Variants in MPPED1 observed in about 807,000 individuals in gnomAD.
The protein encoded by MPPED1 is metallophosphoesterase domain-containing protein 1.
A neutral mutation model predicts 36.2 loss-of-function variants in MPPED1; 16 were observed. The ratio of observed to expected loss-of-function variants is 0.44; its 90% CI spans 0.30 to 0.67. The LOEUF (loss-of-function observed/expected upper bound fraction) is 0.67, where lower values mean the gene tolerates loss of function less well. Ranked by LOEUF, MPPED1 falls within the 30% of genes least tolerant of loss-of-function variation. MPPED1 has a pLI of 0.10. For missense variants in MPPED1, 307 were observed against 453.4 expected (o/e 0.68, Z 2.93); for synonymous variants, 199 against 191.3 (o/e 1.04, Z -0.33).
intron 3 of MPPED1, among the ~76,000 whole-genome samples, chr22:43,448,954 T>C (rs1338334647): frequency 6.6e-6 from 1 of 152,094 alleles, no homozygotes; most frequent in Non-Finnish European, 1.5e-5. Context: ...ACTACTCTTG[T>C]GTATCTGGAA....
intron 4 of MPPED1, among the ~76,000 whole-genome samples, chr22:43,495,599 G>A (rs867986486): frequency 1.2e-5 from 1 of 85,448 alleles, no homozygotes; most frequent in African/African-American, 3.8e-5. Context: ...GGTGGAGGTG[G>A]TGATGGTGGA....
chr22:43,444,662 CCTTTATTT>C (rs1930273523), intron 3 of MPPED1, among the ~76,000 whole-genome samples: 1 of 151,690 alleles, frequency 6.6e-6, no homozygotes, highest in African/African-American at 2.4e-5. Context: ...CATGCCTGGC[CCTTTATTT>C]CTTTATTTTT....
intron 3 of MPPED1, among the ~76,000 whole-genome samples, chr22:43,467,768 G>A (rs1255036300): frequency 1.3e-5 from 2 of 152,136 alleles, no homozygotes; most frequent in Non-Finnish European, 2.9e-5. Flanking sequence ...AGCCATAAGT[G>A]GGCATTTTCC....
chr22:43,433,066 G>T (rs73167912), intron 2 of MPPED1, among the ~76,000 whole-genome samples: 1 of 151,426 alleles, frequency 6.6e-6, no homozygotes, highest in African/African-American at 2.4e-5. Context: ...AGCTGTGTGT[G>T]GGGGGGCGGC....
intron 4 of MPPED1, among the ~76,000 whole-genome samples, chr22:43,491,458 TGGTG>T (rs1932080212): frequency 2.0e-5 from 3 of 151,352 alleles, no homozygotes; most frequent in Non-Finnish European, 2.9e-5. Flanking sequence ...GAGGCGGTGG[TGGTG>T]ATGGAGGTGG....
At chr22:43,459,413 T>C (rs1601976585) in intron 3 of MPPED1, among the ~76,000 whole-genome samples, 1 of 152,208 alleles carries the variant, frequency 6.6e-6, no homozygotes, top group East Asian at 1.9e-4. Context: ...TTAACTACTC[T>C]TTCTGTCCCC....
intron 3 of MPPED1, among the ~76,000 whole-genome samples, chr22:43,457,277 C>A (rs1930786871): frequency 6.6e-6 from 1 of 152,106 alleles, no homozygotes; most frequent in South Asian, 2.1e-4. Context: ...TCTCTAGTAA[C>A]AATTTTTGTC....
At chr22:43,503,303 C>A (rs1172576265) in intron 6 of MPPED1, among the ~76,000 whole-genome samples, 1 of 152,236 alleles carries the variant, frequency 6.6e-6, no homozygotes, top group Non-Finnish European at 1.5e-5. Context: ...TAGACCTCAG[C>A]CATCCTCACC....
chr22:43,467,656 G>C (rs145805333), intron 3 of MPPED1, among the ~76,000 whole-genome samples: 4 of 152,196 alleles, frequency 2.6e-5, no homozygotes, highest in Non-Finnish European at 5.9e-5. Context: ...TTTAAACACA[G>C]AACTGTCAAA....
At chr22:43,444,250 G>A (rs565011439) in intron 3 of MPPED1, among the ~76,000 whole-genome samples, 2 of 150,052 alleles carry the variant, frequency 1.3e-5, no homozygotes, top group Non-Finnish European at 3.0e-5. Flanking sequence ...ACAACAAAAT[G>A]GCTTTGGAAA....
At chr22:43,438,091 A>G (rs1306014189) in intron 3 of MPPED1, among the ~76,000 whole-genome samples, 1 of 152,176 alleles carries the variant, frequency 6.6e-6, no homozygotes, top group Non-Finnish European at 1.5e-5. Flanking sequence ...CTGGGGTAAC[A>G]GTAGGCCCTG....
intron 4 of MPPED1, among the ~76,000 whole-genome samples, chr22:43,497,546 G>C (rs1932459031): frequency 1.3e-5 from 2 of 152,062 alleles, no homozygotes; most frequent in Non-Finnish European, 2.9e-5. Flanking sequence ...GAAGGATCTA[G>C]GTGATGTGTT....
intron 3 of MPPED1, among the ~76,000 whole-genome samples, chr22:43,436,105 G>T (rs1929949482): frequency 6.6e-6 from 1 of 152,226 alleles, no homozygotes; most frequent in South Asian, 2.1e-4. Context: ...TTTTGTCTTT[G>T]TGCTTTTTTT....
intron 3 of MPPED1, among the ~76,000 whole-genome samples, chr22:43,448,501 A>C (rs894370934): frequency 6.6e-6 from 1 of 152,054 alleles, no homozygotes; most frequent in Non-Finnish European, 1.5e-5. Flanking sequence ...CAGCGGGGAG[A>C]AATCTTGTCT....
At chr22:43,448,278 T>C (rs1930434059) in intron 3 of MPPED1, among the ~76,000 whole-genome samples, 1 of 152,236 alleles carries the variant, frequency 6.6e-6, no homozygotes, top group African/African-American at 2.4e-5. Context: ...TGCTGTCCAG[T>C]GTGGTAACCA....
intron 4 of MPPED1, among the ~76,000 whole-genome samples, chr22:43,480,453 A>G (rs544413435): frequency 6.6e-6 from 1 of 152,190 alleles, no homozygotes; most frequent in Non-Finnish European, 1.5e-5. Flanking sequence ...CCTAATGACC[A>G]GTGAGGCCGA....
chr22:43,472,036 T>C (rs1047152171), intron 3 of MPPED1, among the ~76,000 whole-genome samples: 2 of 152,140 alleles, frequency 1.3e-5, no homozygotes, highest in Non-Finnish European at 2.9e-5. Flanking sequence ...TTCAAATGAA[T>C]GAAGTGGACT....
chr22:43,441,244 C>CA (rs1437659901), intron 3 of MPPED1, among the ~76,000 whole-genome samples: 1 of 152,212 alleles, frequency 6.6e-6, no homozygotes, highest in Non-Finnish European at 1.5e-5. Context: ...GGGACCCTCT[C>CA]AGTCAGGGCT....
At chr22:43,452,699 G>A (rs983213517) in intron 3 of MPPED1, among the ~76,000 whole-genome samples, 10 of 152,068 alleles carry the variant, frequency 6.6e-5, no homozygotes, top group Non-Finnish European at 1.5e-5. Context: ...GCATGATCAC[G>A]GCTCACTGAG....
Sources: allele counts gnomAD v4.1 joint callset (sites outside exome capture counted in the v4.1 genomes callset), GRCh38; gene constraint gnomAD v4.1.1; transcripts MANE v1.5; gene names NCBI Gene and HGNC (gene_info 2026-07-23, HGNC 2026-07-21).